The following PLCB1 variants were observed in gnomAD, a reference collection of about 807,000 sequenced individuals.
The protein encoded by PLCB1 is 1-phosphatidylinositol 4,5-bisphosphate phosphodiesterase beta-1.
A neutral mutation model predicts 161.8 loss-of-function variants in PLCB1; 46 were observed. The ratio of observed to expected loss-of-function variants is 0.28; its 90% confidence interval spans 0.22 to 0.36. PLCB1 has a LOEUF of 0.36. Ranked by LOEUF, PLCB1 falls within the 10% of genes least tolerant of loss-of-function variation. The probability of loss-of-function intolerance (pLI) is 1.00; values close to 1 mark genes in which losing one functional copy is unlikely to be tolerated. For synonymous variants in PLCB1, 517 were observed against 503.7 expected, an observed-to-expected ratio of 1.03 and a Z score of -0.35; for missense variants, 1,016 against 1,472.5, an observed-to-expected ratio of 0.69 and a Z score of 5.07.
At chr20:8,462,268 G>C (rs192794574) in intron 3 of PLCB1, among the ~76,000 whole-genome samples, 1 of 152,120 alleles carries the variant, frequency 6.6e-6, no homozygotes, top group Admixed American at 6.6e-5. Context: ...AAACCTTTAA[G>C]CTCTTTTACT....
At chr20:8,871,471 T>G (rs900687692) in intron 31 of PLCB1, among the ~76,000 whole-genome samples, 14 of 152,226 alleles carry the variant, frequency 9.2e-5, no homozygotes, top group Non-Finnish European at 1.5e-4. Flanking sequence ...CCATATTACC[T>G]TAAGGCTACA....
chr20:8,198,687 A>G (rs1034238865), intron 2 of PLCB1, among the ~76,000 whole-genome samples: 6 of 152,070 alleles, frequency 3.9e-5, no homozygotes, highest in Non-Finnish European at 8.8e-5. Flanking sequence ...AAGAGAATGC[A>G]TGGAACTGCT....
At chr20:8,594,740 A>G (rs1987270975) in intron 3 of PLCB1, among the ~76,000 whole-genome samples, 1 of 152,184 alleles carries the variant, frequency 6.6e-6, no homozygotes, top group African/African-American at 2.4e-5. Context: ...TCAGTGCTTT[A>G]AGTGCATTTT....
chr20:8,265,953 A>G (rs1981933953), intron 2 of PLCB1, among the ~76,000 whole-genome samples: 1 of 152,168 alleles, frequency 6.6e-6, no homozygotes, highest in Non-Finnish European at 1.5e-5. Context: ...AACCATATTT[A>G]CCTGGATACT....
chr20:8,627,292 C>A (rs1244687996), intron 3 of PLCB1, among the ~76,000 whole-genome samples: 1 of 152,134 alleles, frequency 6.6e-6, no homozygotes, highest in Admixed American at 6.5e-5. Flanking sequence ...TTTATTTAAA[C>A]ATCTACTATT....
At chr20:8,260,097 T>C (rs1279787432) in intron 2 of PLCB1, among the ~76,000 whole-genome samples, 2 of 152,008 alleles carry the variant, frequency 1.3e-5, no homozygotes, top group Admixed American at 6.6e-5. Context: ...TCTTTTTTTT[T>C]CTTTTTTTTT....
At chr20:8,695,244 T>C (rs1990559892) in intron 10 of PLCB1, among the ~76,000 whole-genome samples, 1 of 152,236 alleles carries the variant, frequency 6.6e-6, no homozygotes, top group Non-Finnish European at 1.5e-5. Context: ...CCTTTTGTTA[T>C]GCTGGTGGTT....
intron 2 of PLCB1, among the ~76,000 whole-genome samples, chr20:8,336,281 C>T (rs1000710488): frequency 6.6e-6 from 1 of 152,150 alleles, no homozygotes; most frequent in Non-Finnish European, 1.5e-5. Context: ...CACCTATATA[C>T]GTACATGTTT....
intron 9 of PLCB1, among the ~76,000 whole-genome samples, chr20:8,681,086 G>GTGTGTGTGTATATATATATATA (rs1394518085): frequency 4.6e-4 from 34 of 73,810 alleles, no homozygotes; most frequent in South Asian, 8.5e-4. Context: ...ATGTGTGTGT[G>GTGTGTGTGTATATATATATATA]TATATATATA....
chr20:8,688,569 C>T (rs957026698), intron 10 of PLCB1, among the ~76,000 whole-genome samples: 1 of 152,256 alleles, frequency 6.6e-6, no homozygotes, highest in East Asian at 1.9e-4. Flanking sequence ...ATGTGGCTAG[C>T]CAATTACCCC....
intron 3 of PLCB1, among the ~76,000 whole-genome samples, chr20:8,460,093 G>A (rs771355291): frequency 8.5e-5 from 13 of 152,182 alleles, no homozygotes; most frequent in Admixed American, 1.3e-4. Context: ...ATTCAAAAAT[G>A]ATTCTACTAA....
chr20:8,839,735 TAAA>T (rs71331333), intron 31 of PLCB1, among the ~76,000 whole-genome samples: 2 of 108,846 alleles, frequency 1.8e-5, no homozygotes, highest in Non-Finnish European at 2.0e-5. Flanking sequence ...TAGTAATTCT[TAAA>T]AAAAAAAAAA....
intron 27 of PLCB1, among the ~76,000 whole-genome samples, chr20:8,778,531 A>G (rs1281108245): frequency 6.6e-6 from 1 of 152,012 alleles, no homozygotes; most frequent in Non-Finnish European, 1.5e-5. Flanking sequence ...AGAGGTGGCA[A>G]CTCTACCATA....
At chr20:8,872,057 A>G (rs1205737679) in intron 31 of PLCB1, among the ~76,000 whole-genome samples, 1 of 152,210 alleles carries the variant, frequency 6.6e-6, no homozygotes, top group Non-Finnish European at 1.5e-5. Flanking sequence ...TATCTATCCC[A>G]AAGTGAATTG....
intron 2 of PLCB1, among the ~76,000 whole-genome samples, chr20:8,262,462 T>C (rs1447224695): frequency 2.0e-5 from 3 of 152,068 alleles, no homozygotes; most frequent in African/African-American, 7.2e-5. Flanking sequence ...GTATAATCCA[T>C]GGTGTCTTTG....
rs1322935086 is a variant in PLCB1 at position 8,410,442 on chromosome 20, C to T, written c.246+38992C>T. Among the ~76,000 whole-genome samples, 5 of 152,162 alleles carry T rather than the reference C, an allele frequency of 3.3e-5. No homozygotes were observed. In the East Asian group the frequency reaches 7.7e-4, roughly 24 times the overall value. ...AAAGTTGATTAGTGATCCTTTTATT[C>T]ATTTATGTCTTTCTAGTGAGTGTTC... is the stretch of plus-strand genomic sequence containing the variant. On this transcript the variant is annotated intron_variant, in intron 3 of 31. Coordinates refer to ENST00000338037, the MANE Select transcript of PLCB1 (RefSeq NM_015192.4).
chr20:8,426,425 A>T (rs574768997), intron 3 of PLCB1, among the ~76,000 whole-genome samples: 1 of 152,210 alleles, frequency 6.6e-6, no homozygotes, highest in Non-Finnish European at 1.5e-5. Context: ...ACGTGCGTGC[A>T]CCTGCTCAGA....
intron 31 of PLCB1, among the ~76,000 whole-genome samples, chr20:8,879,711 G>C (rs1568634793): frequency 6.6e-6 from 1 of 152,172 alleles, no homozygotes; most frequent in Non-Finnish European, 1.5e-5. Context: ...AAATTTATCT[G>C]TCACAGAAGT....
intron 25 of PLCB1, among the ~76,000 whole-genome samples, chr20:8,762,069 C>CTGTGG (rs1370979986): frequency 6.6e-6 from 1 of 151,764 alleles, no homozygotes; most frequent in African/African-American, 2.4e-5. Flanking sequence ...AAATTAACCG[C>CTGTGG]TGTGGTGGCG....
Sources: gnomAD v4.1 joint callset for allele counts (sites outside exome capture counted in the v4.1 genomes callset) on GRCh38, gnomAD v4.1.1 for gene constraint, MANE v1.5 for transcripts, NCBI Gene and HGNC (gene_info 2026-07-23, HGNC 2026-07-21) for gene names.